ACTL8: variants seen among roughly 807,000 people sequenced by gnomAD.
ACTL8 encodes the protein actin-like protein 8.
Under a neutral mutation model 9.3 loss-of-function variants are expected in ACTL8, and 3 were observed. The ratio of observed to expected loss-of-function variants is 0.32; its 90% CI spans 0.15 to 0.83. The LOEUF (loss-of-function observed/expected upper bound fraction) is 0.83, where lower values mean the gene tolerates loss of function less well. Among genes scored for constraint, ACTL8 ranks in the 40% least tolerant of loss-of-function variants. The pLI is 0.57. For synonymous variants in ACTL8, 224 were observed against 205.9 expected, an observed-to-expected ratio of 1.09 and a Z score of -0.75; for missense variants, 381 against 492.2, an observed-to-expected ratio of 0.77 and a Z score of 2.14.
intron 1 of ACTL8, among the ~76,000 whole-genome samples, chr1:17,796,785 G>T (rs558611194): frequency 6.6e-6 from 1 of 152,240 alleles, no homozygotes; most frequent in South Asian, 2.1e-4. Context: ...CAGCTGAGAG[G>T]ATGCTCTAGA....
intron 1 of ACTL8, among the ~76,000 whole-genome samples, chr1:17,765,654 C>T (rs556425144): frequency 6.6e-6 from 1 of 152,304 alleles, no homozygotes; most frequent in African/African-American, 2.4e-5. Context: ...ATTGTTGCTC[C>T]CTCGTAGCAC....
At chr1:17,816,036 T>G (rs1025147046) in intron 1 of ACTL8, among the ~76,000 whole-genome samples, 1 of 152,154 alleles carries the variant, frequency 6.6e-6, no homozygotes, top group Non-Finnish European at 1.5e-5. Flanking sequence ...GAATACAAGG[T>G]GGAATAAGTA....
intron 2 of ACTL8, among the ~76,000 whole-genome samples, chr1:17,825,434 G>A (rs781662545): frequency 1.6e-4 from 25 of 152,014 alleles, no homozygotes; most frequent in Non-Finnish European, 2.6e-4. Context: ...CTAAAGAGGC[G>A]GTTCAGGCTG....
chr1:17,825,645 T>G, intron 2 of ACTL8, 122 bp from the exon 3 acceptor site: 4 of 1,301,930 alleles, frequency 3.1e-6, no homozygotes, highest in Non-Finnish European at 4.1e-6. Context: ...CCAGGGGCCC[T>G]GGGCGCAGCA....
intron 1 of ACTL8, among the ~76,000 whole-genome samples, chr1:17,814,497 C>T (rs1022708817): frequency 6.6e-6 from 1 of 151,846 alleles, no homozygotes; most frequent in African/African-American, 2.4e-5. Context: ...TACAATAACA[C>T]GCCATACCCG....
In ACTL8 at chr1:17,780,141, G is replaced by A. The variant is rs183431498; in HGVS notation, c.-25+24637G>A. ...AGGATTGCTTTGAGCCTAGGAGGTC[G>A]AAGCTGCAGTGAGCTGTGATTGCGC... On this transcript the variant is annotated intron_variant, in intron 1 of 2. Transcript: ENST00000375406. 3.5e-3 allele frequency among the ~76,000 whole-genome samples: 535 copies of A among 152,196 alleles called. 5 individuals carry two copies. The highest frequency in any genetic ancestry group is 0.012 in the African/African-American group (500 of 41,522).
chr1:17,798,815 CGT>C (rs1040559999), intron 1 of ACTL8, among the ~76,000 whole-genome samples: 6 of 152,168 alleles, frequency 3.9e-5, no homozygotes, highest in Non-Finnish European at 7.3e-5. Flanking sequence ...TGGGAAGCCA[CGT>C]GTGTGTTGTC....
intron 1 of ACTL8, among the ~76,000 whole-genome samples, chr1:17,791,275 C>T (rs967896351): frequency 5.9e-5 from 9 of 152,188 alleles, no homozygotes; most frequent in Non-Finnish European, 1.0e-4. Context: ...GGCCACGCCT[C>T]CCTGCTGCAG....
At chr1:17,787,628 C>T (rs1421383345) in intron 1 of ACTL8, among the ~76,000 whole-genome samples, 2 of 152,144 alleles carry the variant, frequency 1.3e-5, no homozygotes, top group African/African-American at 4.8e-5. Flanking sequence ...TGCTGTAATT[C>T]AACTGACCAT....
At chr1:17,806,358 T>A (rs931535794) in intron 1 of ACTL8, among the ~76,000 whole-genome samples, 28 of 152,194 alleles carry the variant, frequency 1.8e-4, no homozygotes, top group African/African-American at 6.8e-4. Context: ...CCTCCCCTCA[T>A]GCAAATTTGA....
intron 1 of ACTL8, among the ~76,000 whole-genome samples, chr1:17,774,138 T>G (rs991531480): frequency 6.6e-6 from 1 of 152,188 alleles, no homozygotes; most frequent in Non-Finnish European, 1.5e-5. Flanking sequence ...AACTAAAGCC[T>G]GGGGTCCTCT....
At chr1:17,805,359 T>C (rs1290012727) in intron 1 of ACTL8, among the ~76,000 whole-genome samples, 2 of 146,894 alleles carry the variant, frequency 1.4e-5, no homozygotes, top group Non-Finnish European at 3.0e-5. Context: ...AAAATAGATA[T>C]ATTTTCTTTT....
chr1:17,778,113 G>A (rs374636361), intron 1 of ACTL8, among the ~76,000 whole-genome samples: 46 of 152,198 alleles, frequency 3.0e-4, no homozygotes, highest in African/African-American at 7.5e-4. Flanking sequence ...AGCTCTGCTC[G>A]TCTTAACCAG....
intron 1 of ACTL8, among the ~76,000 whole-genome samples, chr1:17,769,857 A>C (rs1481946535): frequency 6.6e-6 from 1 of 152,168 alleles, no homozygotes; most frequent in Non-Finnish European, 1.5e-5. Context: ...GAAATTTTAA[A>C]TGTTAGCAAC....
chr1:17,779,669 A>G lies in ACTL8; in HGVS notation c.-25+24165A>G, dbSNP rs189819266. On this transcript the variant is annotated intron_variant, in intron 1 of 2. Transcript: ENST00000375406. ...CAGAGATCCAGGGTTGCTTTCATCTATGGCTCCACCCTCTCAACATGGGGC... is the reference window on the plus strand; with the variant it reads ...CAGAGATCCAGGGTTGCTTTCATCTGTGGCTCCACCCTCTCAACATGGGGC... 9.9e-5 allele frequency among the ~76,000 whole-genome samples: 15 copies of G among 152,198 alleles called. No homozygotes were observed. In the East Asian group the frequency reaches 2.9e-3, roughly 29 times the overall value.
chr1:17,805,393 T>C (rs199909275), intron 1 of ACTL8, among the ~76,000 whole-genome samples: 9,179 of 132,990 alleles, frequency 0.069, 879 homozygotes, highest in East Asian at 0.24. Context: ...TTTTTTTTTT[T>C]TTTTTTTTTT....
intron 2 of ACTL8, 62 bp from the exon 3 acceptor site, chr1:17,825,705 T>C (rs2053709484): frequency 1.3e-6 from 2 of 1,562,790 alleles, no homozygotes; most frequent in Admixed American, 1.7e-5. Context: ...TGTGCTGACT[T>C]CAGCTTTGAC....
At chr1:17,764,430 C>T (rs1557427333) in intron 1 of ACTL8, among the ~76,000 whole-genome samples, 1 of 152,190 alleles carries the variant, frequency 6.6e-6, no homozygotes, top group Non-Finnish European at 1.5e-5. Context: ...TGGGGGTTCA[C>T]TTCTTTCCAG....
chr1:17,824,660 T>C (rs2053699077), intron 2 of ACTL8, among the ~76,000 whole-genome samples: 1 of 152,224 alleles, frequency 6.6e-6, no homozygotes, highest in Admixed American at 6.5e-5. Context: ...TACACTACAA[T>C]ATTATTTATT....
Sources: allele counts gnomAD v4.1 joint callset (sites outside exome capture counted in the v4.1 genomes callset), GRCh38; gene constraint gnomAD v4.1.1; transcripts MANE v1.5; gene names NCBI Gene and HGNC (gene_info 2026-07-23, HGNC 2026-07-21).